Variants in EEFSEC observed in about 807,000 individuals in gnomAD.
EEFSEC encodes selenocysteine-specific elongation factor.
A neutral mutation model predicts 42.1 loss-of-function variants in EEFSEC; 43 were observed. That is an observed-to-expected ratio of 1.02 (90% CI 0.80 to 1.32). The LOEUF (loss-of-function observed/expected upper bound fraction) is 1.32, where lower values mean the gene tolerates loss of function less well. Ranked by LOEUF, EEFSEC falls within the 40% of genes most tolerant of loss-of-function variation. The probability of loss-of-function intolerance (pLI) is 0.00; values close to 1 mark genes in which losing one functional copy is unlikely to be tolerated. For missense variants in EEFSEC, 745 were observed against 803.6 expected (o/e 0.93, Z 0.88); for synonymous variants, 354 against 339.1 (o/e 1.04, Z -0.48).
At chr3:128,266,043 T>C (rs1416037748) in intron 4 of EEFSEC, among the ~76,000 whole-genome samples, 2 of 152,180 alleles carry the variant, frequency 1.3e-5, no homozygotes, top group Non-Finnish European at 2.9e-5. Flanking sequence ...AGGGAGGAGC[T>C]GCAGCTTGAA....
chr3:128,205,868 A>G (rs1358108764), intron 1 of EEFSEC, among the ~76,000 whole-genome samples: 1 of 152,202 alleles, frequency 6.6e-6, no homozygotes, highest in Non-Finnish European at 1.5e-5. Flanking sequence ...TCTTTAGTGC[A>G]TTACAATTAT....
chr3:128,159,602 C>A (rs1944443983), intron 1 of EEFSEC, among the ~76,000 whole-genome samples: 1 of 152,198 alleles, frequency 6.6e-6, no homozygotes, highest in South Asian at 2.1e-4. Context: ...TCTGGCTCTG[C>A]TTTCCTCTGA....
chr3:128,425,181 C>A, the EEFSEC span, among the ~76,000 whole-genome samples: 1 of 152,208 alleles, frequency 6.6e-6, no homozygotes, highest in Admixed American at 6.5e-5. Flanking sequence ...CCTGTGAAAG[C>A]ACCCCTCGCA....
chr3:128,391,789 A>G (rs1238697479), intron 6 of EEFSEC, among the ~76,000 whole-genome samples: 1 of 152,230 alleles, frequency 6.6e-6, no homozygotes, highest in Non-Finnish European at 1.5e-5. Flanking sequence ...GGCAGTCCTC[A>G]GAGTCTGGGA....
At chr3:128,169,836 C>T (rs1363031617) in intron 1 of EEFSEC, among the ~76,000 whole-genome samples, 1 of 152,202 alleles carries the variant, frequency 6.6e-6, no homozygotes, top group African/African-American at 2.4e-5. Flanking sequence ...ACCTAGACCT[C>T]GTCTCACTCC....
intron 6 of EEFSEC, among the ~76,000 whole-genome samples, chr3:128,399,595 C>A (rs989467088): frequency 1.3e-5 from 2 of 152,114 alleles, no homozygotes; most frequent in Non-Finnish European, 2.9e-5. Context: ...AGCCGGCCCC[C>A]CCCAGCCAGC....
intron 4 of EEFSEC, among the ~76,000 whole-genome samples, chr3:128,318,972 G>A (rs1576633649): frequency 6.6e-6 from 1 of 152,346 alleles, no homozygotes; most frequent in Non-Finnish European, 1.5e-5. Flanking sequence ...TGACTTGCCG[G>A]TGTTCAAGTC....
intron 6 of EEFSEC, among the ~76,000 whole-genome samples, chr3:128,397,254 G>A (rs1466292321): frequency 6.6e-6 from 1 of 152,224 alleles, no homozygotes; most frequent in Non-Finnish European, 1.5e-5. Context: ...CTGCCATCCA[G>A]GCTGCTGTAT....
At position 128,296,027 on chromosome 3, in the gene EEFSEC, C is replaced by T. The variant is rs114112964; in HGVS notation, c.786+31246C>T. ...CTGAGAAAGCACATGTTACCATGGT[C>T]CAGAAATCACCCGCTCATCCCAGAA... is the stretch of plus-strand genomic sequence containing the variant. On this transcript the variant is annotated intron_variant, in intron 4 of 6. Transcript: ENST00000254730. Among the ~76,000 whole-genome samples the T allele has an allele frequency of 4.0e-3, 603 of 152,206 alleles. 10 individuals carry two copies. The highest frequency in any genetic ancestry group is 0.014 in the African/African-American group (582 of 41,516).
Position 128,357,726 on chromosome 3 carries a change from G to A in EEFSEC, c.1444-491G>A, listed in dbSNP as rs556888801. Among the ~76,000 whole-genome samples the A allele has an allele frequency of 5.9e-5, 9 of 152,188 alleles. 1 individual carries two copies. The South Asian group carries it at 1.7e-3, about 28-fold the overall frequency. On this transcript the variant is annotated intron_variant, in intron 5 of 6. Coordinates refer to ENST00000254730, the MANE Select transcript of EEFSEC (RefSeq NM_021937.5). ...TTGGATGCAGGCTCAGGAGCGGCCC[G>A]GGTGACTGTGACAGCTTCAAGGAGA...
chr3:128,341,212 C>T (rs781544277), intron 4 of EEFSEC, 21 bp from the exon 5 acceptor site: 13 of 1,581,094 alleles, frequency 8.2e-6, no homozygotes, highest in South Asian at 1.2e-5. Flanking sequence ...TTCATGTGCT[C>T]TCTTGCTTAC....
intron 2 of EEFSEC, among the ~76,000 whole-genome samples, chr3:128,258,478 T>C (rs1484857354): frequency 6.6e-6 from 1 of 152,200 alleles, no homozygotes; most frequent in Non-Finnish European, 1.5e-5. Flanking sequence ...TCTAAAATGA[T>C]AATATAATAC....
At chr3:128,356,430 A>C (rs2107586379) in intron 5 of EEFSEC, among the ~76,000 whole-genome samples, 1 of 152,286 alleles carries the variant, frequency 6.6e-6, no homozygotes, top group East Asian at 1.9e-4. Context: ...AGAACTGATT[A>C]AAGCTGCCTG....
At chr3:128,328,858 G>A (rs2067094015) in intron 4 of EEFSEC, among the ~76,000 whole-genome samples, 1 of 152,172 alleles carries the variant, frequency 6.6e-6, no homozygotes, top group South Asian at 2.1e-4. Context: ...AGAAATAGTG[G>A]CAGGTTGAAT....
chr3:128,239,948 C>A (rs1045471104), intron 1 of EEFSEC, among the ~76,000 whole-genome samples: 2 of 152,216 alleles, frequency 1.3e-5, no homozygotes, highest in Non-Finnish European at 2.9e-5. Flanking sequence ...ACTCCTAGCA[C>A]CTCCTGCAGT....
intron 1 of EEFSEC, among the ~76,000 whole-genome samples, chr3:128,209,223 A>G (rs1413232316): frequency 2.6e-5 from 4 of 152,216 alleles, no homozygotes; most frequent in Non-Finnish European, 4.4e-5. Flanking sequence ...TTCATCCTTA[A>G]TACACTTCGG....
chr3:128,318,994 C>T (rs1209062676), intron 4 of EEFSEC, among the ~76,000 whole-genome samples: 3 of 152,226 alleles, frequency 2.0e-5, no homozygotes, highest in Non-Finnish European at 4.4e-5. Context: ...TGGACAGGGT[C>T]TGAATCTAGG....
At chr3:128,318,773 C>T (rs1168880426) in intron 4 of EEFSEC, among the ~76,000 whole-genome samples, 1 of 152,206 alleles carries the variant, frequency 6.6e-6, no homozygotes, top group Non-Finnish European at 1.5e-5. Context: ...CCTGAGTGGC[C>T]GTGTACTAAC....
chr3:128,327,335 G>A (rs1349193612), intron 4 of EEFSEC, among the ~76,000 whole-genome samples: 1 of 128,000 alleles, frequency 7.8e-6, no homozygotes, highest in Non-Finnish European at 1.5e-5. Flanking sequence ...GATCTCATTT[G>A]TATGTCATTG....
Sources: allele counts gnomAD v4.1 joint callset (sites outside exome capture counted in the v4.1 genomes callset), GRCh38; gene constraint gnomAD v4.1.1; transcripts MANE v1.5; gene names NCBI Gene and HGNC (gene_info 2026-07-23, HGNC 2026-07-21).